Variants in MDGA2 observed in about 807,000 individuals in gnomAD.
MDGA2 encodes MAM domain containing glycosylphosphatidylinositol anchor 2, also known as MAM domain-containing glycosylphosphatidylinositol anchor protein 2.
A neutral mutation model predicts 117.8 loss-of-function variants in MDGA2; 40 were observed. The observed-to-expected ratio is 0.34, with a 90% CI of 0.26 to 0.44. MDGA2 has a LOEUF of 0.44. Among genes scored for constraint, MDGA2 ranks in the 20% least tolerant of loss-of-function variants. The pLI, the probability that MDGA2 is intolerant of heterozygous loss-of-function variation, is 1.00. For synonymous variants in MDGA2, 452 were observed against 439.0 expected (o/e 1.03, Z -0.37); for missense variants, 1,123 against 1,250.6 (o/e 0.90, Z 1.54).
Position 47,227,728 on chromosome 14 carries a change from T to C in MDGA2, c.421-9533A>G, listed in dbSNP as rs1194811222. On this transcript the variant is annotated intron_variant, in intron 2 of 16. Transcript: ENST00000399232. ...TTCTGCTGAGAATACAATTATGAAT[T>C]AGACAAAATCTCACTCCACAATGCA... is the stretch of plus-strand genomic sequence containing the variant. 3.9e-5 allele frequency among the ~76,000 whole-genome samples: 6 copies of C among 152,266 alleles called. No individual in the cohort carries two copies. In the East Asian group the frequency reaches 1.2e-3, roughly 29 times the overall value.
chr14:47,148,597 T>C (rs1057224032), intron 3 of MDGA2, among the ~76,000 whole-genome samples: 1 of 152,206 alleles, frequency 6.6e-6, no homozygotes, highest in Non-Finnish European at 1.5e-5. Flanking sequence ...ATCCTGTGTA[T>C]GACATTTCTC....
chr14:47,096,445 C>G (rs1210900132), intron 6 of MDGA2, among the ~76,000 whole-genome samples: 1 of 151,878 alleles, frequency 6.6e-6, no homozygotes, highest in African/African-American at 2.4e-5. Flanking sequence ...CAATTTAAAG[C>G]CATGATTGTA....
At chr14:47,383,161 A>G (rs986357154) in intron 1 of MDGA2, among the ~76,000 whole-genome samples, 1 of 152,198 alleles carries the variant, frequency 6.6e-6, no homozygotes, top group East Asian at 1.9e-4. Flanking sequence ...CAATGAGAAC[A>G]CTTGGACACA....
chr14:47,457,909 T>G (rs1893393494), intron 1 of MDGA2, among the ~76,000 whole-genome samples: 1 of 151,984 alleles, frequency 6.6e-6, no homozygotes, highest in South Asian at 2.1e-4. Context: ...GTTATTATTT[T>G]CACAAGTTCA....
chr14:47,292,736 A>C (rs1888932371), intron 2 of MDGA2, among the ~76,000 whole-genome samples: 1 of 152,144 alleles, frequency 6.6e-6, no homozygotes, highest in South Asian at 2.1e-4. Flanking sequence ...TTAAATTTGG[A>C]AACTGGATGA....
At chr14:47,558,842 G>A (rs1895738460) in intron 1 of MDGA2, among the ~76,000 whole-genome samples, 1 of 152,146 alleles carries the variant, frequency 6.6e-6, no homozygotes, top group South Asian at 2.1e-4. Context: ...GCTTCTCACA[G>A]AATGCTGATT....
chr14:47,014,224 G>A (rs907979926), intron 8 of MDGA2, among the ~76,000 whole-genome samples: 7 of 152,112 alleles, frequency 4.6e-5, no homozygotes, highest in African/African-American at 1.7e-4. Flanking sequence ...TAGATGTGCT[G>A]CCATCCAAGC....
At chr14:47,555,385 A>T (rs796839153) in intron 1 of MDGA2, among the ~76,000 whole-genome samples, 1 of 152,276 alleles carries the variant, frequency 6.6e-6, no homozygotes, top group African/African-American at 2.4e-5. Context: ...GAAACTGGAC[A>T]TAGAATGGAA....
chr14:47,674,560 C>A lies in MDGA2; in HGVS notation c.237G>T (p.Leu79=). The stretch of plus-strand genomic sequence containing the variant: ...AGATCCCCTCCAGGAGGACTGTCAG[C>A]AGCCACACGAGACCGTACAGTAAAT... ...KMDLLYGLVW[L]LTVLLEGISG... Residue 79 remains leucine (L), a synonymous_variant, in exon 1 of 17, where the codon CTG becomes CTT. Coordinates refer to ENST00000399232, the MANE Select transcript of MDGA2 (RefSeq NM_001113498.3). 6.4e-7 allele frequency: 1 copy of A among 1,551,476 alleles called. No homozygotes were observed. Among genetic ancestry groups the A allele is most frequent in the South Asian group, 1.2e-5 (1 of 83,920 alleles).
At chr14:46,858,656 C>T (rs1031494640) in intron 14 of MDGA2, among the ~76,000 whole-genome samples, 1 of 151,794 alleles carries the variant, frequency 6.6e-6, no homozygotes. Flanking sequence ...CTCGATCTCC[C>T]GACCTCGTGA....
At chr14:47,510,229 G>A (rs763468355) in intron 1 of MDGA2, among the ~76,000 whole-genome samples, 3 of 152,094 alleles carry the variant, frequency 2.0e-5, no homozygotes, top group Non-Finnish European at 4.4e-5. Context: ...ACAGCAGTCT[G>A]CAACCTAGAA....
At chr14:46,971,894 A>G (rs1006393787) in intron 8 of MDGA2, among the ~76,000 whole-genome samples, 2 of 152,172 alleles carry the variant, frequency 1.3e-5, no homozygotes, top group Non-Finnish European at 2.9e-5. Flanking sequence ...TATCAGTACA[A>G]TTGTTTTAAA....
chr14:47,101,128 G>T (rs1474643675), intron 5 of MDGA2, among the ~76,000 whole-genome samples: 4 of 139,752 alleles, frequency 2.9e-5, no homozygotes, highest in Admixed American at 1.4e-4. Context: ...TAGATAGACA[G>T]ATAGATAGAA....
intron 15 of MDGA2, among the ~76,000 whole-genome samples, chr14:46,850,001 A>G (rs1451968837): frequency 5.3e-5 from 8 of 152,008 alleles, no homozygotes; most frequent in Non-Finnish European, 8.9e-5. Context: ...GCACAATAGC[A>G]CTATTATTTA....
intron 1 of MDGA2, among the ~76,000 whole-genome samples, chr14:47,391,080 T>C (rs912419921): frequency 2.0e-5 from 3 of 152,150 alleles, no homozygotes; most frequent in Admixed American, 6.6e-5. Context: ...TGCTGTTCTC[T>C]CTGGCTGGAA....
chr14:47,245,119 C>T (rs1158788535), intron 2 of MDGA2, among the ~76,000 whole-genome samples: 3 of 151,690 alleles, frequency 2.0e-5, no homozygotes, highest in African/African-American at 7.3e-5. Context: ...ACCTCCCAGG[C>T]TTAGGCAATC....
chr14:47,057,406 A>G (rs1889717156), intron 7 of MDGA2, among the ~76,000 whole-genome samples: 1 of 152,122 alleles, frequency 6.6e-6, no homozygotes, highest in African/African-American at 2.4e-5. Context: ...CTATCACCAT[A>G]TAACACAGAG....
At chr14:47,415,672 T>C (rs1281130559) in intron 1 of MDGA2, among the ~76,000 whole-genome samples, 3 of 152,078 alleles carry the variant, frequency 2.0e-5, no homozygotes, top group Non-Finnish European at 4.4e-5. Flanking sequence ...ACACACAAGG[T>C]ATATGACTAA....
intron 1 of MDGA2, among the ~76,000 whole-genome samples, chr14:47,636,521 C>T (rs1897323270): frequency 6.6e-6 from 1 of 152,112 alleles, no homozygotes; most frequent in South Asian, 2.1e-4. Context: ...CAGTAGCTCA[C>T]GCTTGTAATC....
Sources: allele counts gnomAD v4.1 joint callset (sites outside exome capture counted in the v4.1 genomes callset), GRCh38; gene constraint gnomAD v4.1.1; transcripts MANE v1.5; gene names NCBI Gene and HGNC (gene_info 2026-07-23, HGNC 2026-07-21).